SLC25A13: variants seen among roughly 807,000 people sequenced by gnomAD.
SLC25A13 encodes electrogenic aspartate/glutamate antiporter SLC25A13, mitochondrial.
A neutral mutation model predicts 85.5 loss-of-function variants in SLC25A13; 70 were observed. That is an observed-to-expected ratio of 0.82 (90% CI 0.68 to 1.00). The LOEUF is 1.00. Among genes scored for constraint, SLC25A13 ranks in the 50% least tolerant of loss-of-function variants. The pLI is 0.00. For synonymous variants in SLC25A13, 259 were observed against 288.7 expected (o/e 0.90, Z 1.04); for missense variants, 765 against 819.8 (o/e 0.93, Z 0.82).
intron 4 of SLC25A13, among the ~76,000 whole-genome samples, chr7:96,217,480 C>CTCT (rs1313933754): frequency 6.6e-6 from 1 of 151,976 alleles, no homozygotes; most frequent in African/African-American, 2.4e-5. Flanking sequence ...CTGGGAACAG[C>CTCT]TCTTATGCCT....
intron 2 of SLC25A13, among the ~76,000 whole-genome samples, chr7:96,291,193 G>A (rs562735169): frequency 1.7e-4 from 26 of 152,208 alleles, no homozygotes; most frequent in Non-Finnish European, 3.7e-4. Flanking sequence ...GGTACATAAC[G>A]AAATGAAGTC....
At chr7:96,177,928 C>T (rs1794287405) in intron 11 of SLC25A13, among the ~76,000 whole-genome samples, 1 of 152,168 alleles carries the variant, frequency 6.6e-6, no homozygotes, top group Non-Finnish European at 1.5e-5. Context: ...CCAAGTTCCT[C>T]CTCTGCCCTG....
chr7:96,264,011 G>A (rs547825807), intron 3 of SLC25A13, among the ~76,000 whole-genome samples: 20 of 151,814 alleles, frequency 1.3e-4, no homozygotes, highest in South Asian at 2.1e-4. Context: ...CCCTCATTGC[G>A]TCCTACCCAA....
At chr7:96,160,483 G>A (rs116945152) in intron 13 of SLC25A13, among the ~76,000 whole-genome samples, 2,082 of 152,300 alleles carry the variant, frequency 0.014, 19 homozygotes, top group Non-Finnish European at 0.022. Context: ...CTGGAGGCTC[G>A]AAATCTGAGA....
intron 3 of SLC25A13, among the ~76,000 whole-genome samples, chr7:96,252,016 G>A (rs185850788): frequency 2.6e-5 from 4 of 152,256 alleles, no homozygotes; most frequent in East Asian, 1.9e-4. Flanking sequence ...AGTTGGAAAC[G>A]TCTTTATATT....
intron 11 of SLC25A13, among the ~76,000 whole-genome samples, chr7:96,183,762 G>A (rs1794509682): frequency 6.6e-6 from 1 of 152,174 alleles, no homozygotes. Flanking sequence ...TCAGTGGGGG[G>A]AAACCTTGGC....
intron 4 of SLC25A13, among the ~76,000 whole-genome samples, chr7:96,212,309 G>A (rs1795730566): frequency 6.6e-6 from 1 of 152,200 alleles, no homozygotes; most frequent in Non-Finnish European, 1.5e-5. Context: ...AACCTTCTAA[G>A]TAGCACAGCT....
At chr7:96,215,473 C>T (rs1002321760) in intron 4 of SLC25A13, among the ~76,000 whole-genome samples, 7 of 151,978 alleles carry the variant, frequency 4.6e-5, no homozygotes, top group Non-Finnish European at 8.8e-5. Flanking sequence ...ACACAGAGAA[C>T]AACAGAATGA....
intron 12 of SLC25A13, among the ~76,000 whole-genome samples, chr7:96,170,804 G>GT (rs1360777466): frequency 1.3e-5 from 2 of 152,128 alleles, no homozygotes; most frequent in Non-Finnish European, 2.9e-5. Flanking sequence ...TAAAGCTAGA[G>GT]TTTTACTTTC....
intron 10 of SLC25A13, 84 bp downstream of exon 10, chr7:96,184,843 T>C (rs1482327047): frequency 1.7e-6 from 2 of 1,173,132 alleles, no homozygotes; most frequent in East Asian, 2.3e-5. Flanking sequence ...GAAGACTTTG[T>C]CCTTTAACAT....
In SLC25A13 at chr7:96,246,652, G is replaced by C. The variant is rs140323242; in HGVS notation, c.213-11735C>G. On this transcript the variant is annotated intron_variant, in intron 3 of 17. Coordinates refer to ENST00000265631, the MANE Select transcript of SLC25A13 (RefSeq NM_014251.3). ...ATTATCAATTACTCGGGAACATTTT[G>C]GCATTTTCTTTCATTCAACTGTAAT... Among the ~76,000 whole-genome samples the C allele has an allele frequency of 1.4e-3, 214 of 152,228 alleles. 2 individuals carry two copies. The highest frequency in any genetic ancestry group is 4.9e-3 in the African/African-American group (204 of 41,546).
intron 13 of SLC25A13, among the ~76,000 whole-genome samples, chr7:96,160,543 C>T (rs1793466815): frequency 6.6e-6 from 1 of 152,228 alleles, no homozygotes; most frequent in Non-Finnish European, 1.5e-5. Context: ...TCCTGGCTCA[C>T]AGATGCTGTC....
chr7:96,171,457 A>C lies in SLC25A13; in HGVS notation c.1230+15T>G, dbSNP rs201432251. ...CAAAATCCCTTAATAAGAAGCACCAACTCAAAAGACTTACTGTAAGTTTTA... is the reference window on the plus strand; with the variant it reads ...CAAAATCCCTTAATAAGAAGCACCACCTCAAAAGACTTACTGTAAGTTTTA... On this transcript the variant is annotated intron_variant, in intron 12 of 17. Transcript: ENST00000265631. 6.2e-7 allele frequency: 1 copy of C among 1,609,822 alleles called. No homozygotes were observed. Among genetic ancestry groups the C allele is most frequent in the East Asian group, 2.2e-5 (1 of 44,830 alleles).
intron 1 of SLC25A13, among the ~76,000 whole-genome samples, chr7:96,302,099 G>A (rs1180673105): frequency 6.6e-6 from 1 of 152,206 alleles, no homozygotes; most frequent in Non-Finnish European, 1.5e-5. Context: ...TTTTTGACAA[G>A]ATAAACACTG....
chr7:96,194,344 G>C (rs994603180), intron 5 of SLC25A13, among the ~76,000 whole-genome samples: 36 of 148,850 alleles, frequency 2.4e-4, no homozygotes, highest in Non-Finnish European at 1.8e-4. Context: ...TGGGAGACTG[G>C]GGTGAGAGGA....
At chr7:96,319,540 CAAA>C (rs398005497) in intron 1 of SLC25A13, among the ~76,000 whole-genome samples, 1 of 77,242 alleles carries the variant, frequency 1.3e-5, no homozygotes, top group African/African-American at 4.8e-5. Context: ...GACTCCATCT[CAAA>C]AAAAAAAAAA....
intron 4 of SLC25A13, among the ~76,000 whole-genome samples, chr7:96,220,658 A>T (rs1363967471): frequency 6.6e-6 from 1 of 152,106 alleles, no homozygotes; most frequent in Non-Finnish European, 1.5e-5. Flanking sequence ...AAAATAGTCA[A>T]ATTTTCCTAG....
In SLC25A13 at chr7:96,120,371, T is replaced by C. The variant is rs190889565; in HGVS notation, c.*820A>G. 2 of 454,090 alleles carry C rather than the reference T, an allele frequency of 4.4e-6. No individual in the cohort carries two copies. Among genetic ancestry groups the C allele is most frequent in the East Asian group, 1.4e-4 (2 of 14,400 alleles). 28.1% of individuals were successfully genotyped at this position (454,090 alleles called of 1,614,324 possible). On this transcript the variant is annotated 3_prime_UTR_variant, in exon 18 of 18. Coordinates refer to ENST00000265631, the MANE Select transcript of SLC25A13 (RefSeq NM_014251.3). ...TTTAAAAGCAAGTGGGTACCAATGATGGGGAGATGAGGAGAATAGGGCAGG... is the reference window on the plus strand; with the variant it reads ...TTTAAAAGCAAGTGGGTACCAATGACGGGGAGATGAGGAGAATAGGGCAGG...
chr7:96,178,659 A>G (rs776661523), intron 11 of SLC25A13, among the ~76,000 whole-genome samples: 3 of 151,978 alleles, frequency 2.0e-5, no homozygotes, highest in Non-Finnish European at 2.9e-5. Flanking sequence ...TGCTTTCAAC[A>G]TCAGATTAAC....
Sources: gnomAD v4.1 joint callset for allele counts (sites outside exome capture counted in the v4.1 genomes callset) on GRCh38, gnomAD v4.1.1 for gene constraint, MANE v1.5 for transcripts, NCBI Gene and HGNC (gene_info 2026-07-23, HGNC 2026-07-21) for gene names.